Variants in RMDN3 observed in about 807,000 individuals in gnomAD.
The protein encoded by RMDN3 is regulator of microtubule dynamics 3.
A neutral mutation model predicts 61.8 loss-of-function variants in RMDN3; 41 were observed. The observed-to-expected ratio is 0.66, with a 90% CI of 0.52 to 0.86. The LOEUF is 0.86. Among genes scored for constraint, RMDN3 ranks in the 40% least tolerant of loss-of-function variants. The pLI, the probability that RMDN3 is intolerant of heterozygous loss-of-function variation, is 0.00. For synonymous variants in RMDN3, 247 were observed against 232.0 expected (o/e 1.06, Z -0.59); for missense variants, 557 against 585.3 (o/e 0.95, Z 0.50).
intron 10 of RMDN3, 96 bp from the exon 11 acceptor site, chr15:40,737,437 C>CT: frequency 7.9e-7 from 1 of 1,271,820 alleles, no homozygotes; most frequent in Non-Finnish European, 1.1e-6. Context: ...AACCATGTGG[C>CT]TGATTCAGTG....
intron 12 of RMDN3, 79 bp downstream of exon 12, chr15:40,737,045 G>A (rs1188808370): frequency 1.8e-6 from 2 of 1,127,126 alleles, no homozygotes; most frequent in African/African-American, 1.5e-5. Flanking sequence ...TAGAGATGGG[G>A]TTTCTCCATG....
At chr15:40,742,911 GT>G (rs1897339341) in intron 6 of RMDN3, among the ~76,000 whole-genome samples, 1 of 152,186 alleles carries the variant, frequency 6.6e-6, no homozygotes, top group Admixed American at 6.5e-5. Flanking sequence ...GAGAGAAAAA[GT>G]AATCATAAAT....
chr15:40,753,210 A>G (rs544814592), intron 2 of RMDN3, among the ~76,000 whole-genome samples: 1 of 152,350 alleles, frequency 6.6e-6, no homozygotes, highest in Non-Finnish European at 1.5e-5. Context: ...ACTCATTTCC[A>G]ATTAGCATGG....
At chr15:40,746,516 C>CAAAAAA (rs756574720) in intron 4 of RMDN3, among the ~76,000 whole-genome samples, 1 of 85,810 alleles carries the variant, frequency 1.2e-5, no homozygotes, top group African/African-American at 4.1e-5. Flanking sequence ...GACTCCGTCT[C>CAAAAAA]AAAAAAAAAA....
rs114855639 is a variant in RMDN3, at chr15:40,738,911, A to G, written c.972-335T>C. 901 of 280,418 alleles carry G rather than the reference A, an allele frequency of 3.2e-3. 7 individuals are homozygous for G. Among genetic ancestry groups the G allele is most frequent in the African/African-American group, 0.019 (854 of 45,652 alleles). The allele number at this position is 280,418 out of a possible 1,614,324, so 17.4% of individuals were successfully genotyped here. On this transcript the variant is annotated intron_variant, in intron 7 of 12. Transcript: ENST00000338376. ...AGGCATTAATAAAAACTTGAAAAGC[A>G]TGAAAACAATCAGCATAAAAGTATG...
intron 4 of RMDN3, among the ~76,000 whole-genome samples, chr15:40,747,252 G>A (rs1897611937): frequency 6.6e-6 from 1 of 152,180 alleles, no homozygotes; most frequent in African/African-American, 2.4e-5. Context: ...CCAGGCATCA[G>A]CACAGAATCC....
intron 5 of RMDN3, 142 bp from the exon 6 acceptor site, chr15:40,744,291 G>T: frequency 1.5e-6 from 1 of 683,150 alleles, no homozygotes; most frequent in Non-Finnish European, 2.5e-6. Context: ...CCTACACGCA[G>T]CCTTCCCCCC....
intron 1 of RMDN3, 32 bp from the exon 2 acceptor site, chr15:40,754,822 AGGCGGGCG>A: frequency 1.2e-5 from 7 of 569,518 alleles, no homozygotes; most frequent in Non-Finnish European, 1.9e-5. Flanking sequence ...GGGAGCAGGC[AGGCGGGCG>A]GGCGGGCGGG....
intron 12 of RMDN3, 63 bp from the exon 13 acceptor site, chr15:40,736,657 G>C (rs1018301008): frequency 3.4e-6 from 5 of 1,460,618 alleles, no homozygotes; most frequent in Non-Finnish European, 3.8e-6. Context: ...CAAACCAGTG[G>C]AACCTAAGAA....
chr15:40,753,616 G>T (rs1346605844), intron 2 of RMDN3, among the ~76,000 whole-genome samples: 1 of 152,188 alleles, frequency 6.6e-6, no homozygotes, highest in Non-Finnish European at 1.5e-5. Flanking sequence ...TTGCTCAAAT[G>T]AATTGACAAA....
intron 6 of RMDN3, 39 bp from the exon 7 acceptor site, chr15:40,740,232 T>C (rs768366730): frequency 3.0e-6 from 4 of 1,354,172 alleles, no homozygotes; most frequent in Non-Finnish European, 4.2e-6. Context: ...ACATAGCTCT[T>C]ATGCACACTT....
At position 40,737,719 on chromosome 15, in the gene RMDN3, T is replaced by G. The variant is rs190232842; in HGVS notation, c.1133A>C (p.His378Pro). 6.2e-7 allele frequency: 1 copy of G among 1,613,046 alleles called. No individual in the cohort carries two copies. The highest frequency in any genetic ancestry group is 2.2e-5 in the East Asian group (1 of 44,852). Residue 378 changes from histidine to proline, a missense_variant, in exon 10 of 13, where the codon CAC (histidine) becomes CCC (proline). Coordinates refer to ENST00000338376, the MANE Select transcript of RMDN3 (RefSeq NM_018145.3). ...AGTTTTTTTTTCTAGCCAGCTCAGG[T>G]GAGAGACCTGCCACAAAAAGATCAA... ...LLGRWCYQVS[H>P]LSWLEKKTAT...
At chr15:40,741,089 C>A (rs1034783257) in intron 6 of RMDN3, among the ~76,000 whole-genome samples, 3 of 151,540 alleles carry the variant, frequency 2.0e-5, no homozygotes, top group African/African-American at 7.3e-5. Flanking sequence ...AAAAAAACAA[C>A]AACAACGGAT....
At chr15:40,737,779 T>C in intron 9 of RMDN3, 53 bp from the exon 10 acceptor site, 1 of 1,570,060 alleles carries the variant, frequency 6.4e-7, no homozygotes, top group South Asian at 1.1e-5. Flanking sequence ...GTTTTTTTTC[T>C]TTAAATCTTT....
At chr15:40,738,867 T>A (rs1897170246) in intron 7 of RMDN3, 1 of 418,904 alleles carries the variant, frequency 2.4e-6, no homozygotes, top group East Asian at 4.2e-5. Flanking sequence ...TCTCCTACAC[T>A]CATAAGGAGT....
At chr15:40,748,249 A>G (rs1054368673) in intron 4 of RMDN3, among the ~76,000 whole-genome samples, 1 of 152,158 alleles carries the variant, frequency 6.6e-6, no homozygotes. Flanking sequence ...CAAGACACAC[A>G]TGTTCAAAGC....
At position 40,737,216 on chromosome 15, in the gene RMDN3, CAACAGTGAAACCTGATA is replaced by C; in HGVS notation, c.1279-29_1279-13del. 6.2e-7 allele frequency: 1 copy of C among 1,613,782 alleles called. No homozygotes were observed. The highest frequency in any genetic ancestry group is 8.5e-7 in the Non-Finnish European group (1 of 1,179,650). ...AGTTCTCTGTAGCACTGAAAAGAGA[CAACAGTGAAACCTGATA>C]CTGTGTACTTTCAGGAGTTCCCAGA... On this transcript the variant is annotated splice_polypyrimidine_tract_variant and intron_variant, in intron 11 of 12. Coordinates refer to ENST00000338376, the MANE Select transcript of RMDN3 (RefSeq NM_018145.3).
At chr15:40,743,417 TAA>T (rs11300441) in intron 6 of RMDN3, among the ~76,000 whole-genome samples, 4,182 of 144,624 alleles carry the variant, frequency 0.029, 179 homozygotes, top group African/African-American at 0.098. Flanking sequence ...AAAGACTGTT[TAA>T]AAAAAAAAAA....
intron 6 of RMDN3, 58 bp from the exon 7 acceptor site, chr15:40,740,251 A>G (rs1897227821): frequency 1.7e-6 from 2 of 1,166,528 alleles, no homozygotes; most frequent in Non-Finnish European, 2.6e-6. Context: ...TTTCATAGGA[A>G]GGCTTGTGGG....
Sources: gnomAD v4.1 joint callset for allele counts (sites outside exome capture counted in the v4.1 genomes callset) on GRCh38, gnomAD v4.1.1 for gene constraint, MANE v1.5 for transcripts, NCBI Gene and HGNC (gene_info 2026-07-23, HGNC 2026-07-21) for gene names.